SEMA5A: variants seen among roughly 807,000 people sequenced by gnomAD.
SEMA5A encodes semaphorin 5A.
Under a neutral mutation model 135.5 loss-of-function variants are expected in SEMA5A, and 55 were observed. The observed-to-expected ratio is 0.41, with a 90% CI of 0.33 to 0.51. SEMA5A has a LOEUF of 0.51. SEMA5A is among the 20% of genes least tolerant of loss of function. SEMA5A has a pLI of 0.37. For synonymous variants in SEMA5A, 580 were observed against 546.5 expected (o/e 1.06, Z -0.85); for missense variants, 1,290 against 1,419.9 (o/e 0.91, Z 1.47).
chr5:9,109,108 T>C (rs1740098492), intron 15 of SEMA5A, among the ~76,000 whole-genome samples: 2 of 136,940 alleles, frequency 1.5e-5, no homozygotes, highest in Admixed American at 1.6e-4. Context: ...TGGCGTGATC[T>C]CGGCTCACTG....
At chr5:9,323,570 T>C (rs2150681847) in intron 4 of SEMA5A, among the ~76,000 whole-genome samples, 1 of 152,192 alleles carries the variant, frequency 6.6e-6, no homozygotes, top group South Asian at 2.1e-4. Context: ...TTCATGCCAG[T>C]TGATTGGTTA....
At position 9,050,434 on chromosome 5, in the gene SEMA5A, T is replaced by C. The variant is rs777578380; in HGVS notation, c.2869A>G (p.Ser957Gly). The change falls in exon 21 of 23, where the codon AGC (serine) becomes GGC (glycine). Residue 957 changes from serine (S) to glycine (G), a missense_variant. Physicochemically the swap from Ser to Gly is moderately conservative, Grantham distance 56. Coordinates refer to ENST00000382496, the MANE Select transcript of SEMA5A (RefSeq NM_003966.3). ...CCTCCACACCTTTTCTCTTCTACGC[T>C]ACTGGATCTTGCCACAGATACTTCT... ...IPEVSVARSS[S>G]VEEKRCGEFN... 3.8e-5 allele frequency: 61 copies of C among 1,612,822 alleles called. No individual in the cohort carries two copies. The highest frequency in any genetic ancestry group is 4.8e-5 in the Non-Finnish European group (57 of 1,179,490).
intron 16 of SEMA5A, 56 bp downstream of exon 16, chr5:9,108,084 G>T (rs781253351): frequency 3.5e-5 from 55 of 1,579,606 alleles, no homozygotes; most frequent in Non-Finnish European, 4.5e-5. Context: ...TGTGTGTATT[G>T]AGTCTGTATT....
At position 9,222,655 on chromosome 5, in the gene SEMA5A, G is replaced by A. The variant is rs148430673; in HGVS notation, c.646+2019C>T. Among the ~76,000 whole-genome samples, 1,294 of 152,302 alleles carry A rather than the reference G, an allele frequency of 8.5e-3. 16 individuals carry two copies. Among genetic ancestry groups the A allele is most frequent in the African/African-American group, 0.028 (1,180 of 41,552 alleles). ...TGAACAGCAGAATGTTTTAGGAATC[G>A]GAAACATTAATGCCTTTGTAAATCA... is the stretch of plus-strand genomic sequence containing the variant. On this transcript the variant is annotated intron_variant, in intron 8 of 22. Transcript: ENST00000382496.
intron 2 of SEMA5A, among the ~76,000 whole-genome samples, chr5:9,436,553 A>G (rs898597018): frequency 6.6e-6 from 1 of 152,234 alleles, no homozygotes; most frequent in Non-Finnish European, 1.5e-5. Flanking sequence ...CTGGTAACTC[A>G]TAATCCAAGA....
In SEMA5A at chr5:9,165,742, C is replaced by A. The variant is rs916343005; in HGVS notation, c.1274-11047G>T. ...GTGTTACCATACCAAGCATTATCAG[C>A]GAGGTAATGATGAAATACCCGCTTC... On this transcript the variant is annotated intron_variant, in intron 11 of 22. Coordinates refer to ENST00000382496, the MANE Select transcript of SEMA5A (RefSeq NM_003966.3). 5.3e-5 allele frequency among the ~76,000 whole-genome samples: 8 copies of A among 152,310 alleles called. No homozygotes were observed. In the East Asian group the frequency reaches 1.2e-3, roughly 22 times the overall value.
At chr5:9,191,747 T>C (rs1745124709) in intron 10 of SEMA5A, among the ~76,000 whole-genome samples, 1 of 152,242 alleles carries the variant, frequency 6.6e-6, no homozygotes, top group South Asian at 2.1e-4. Flanking sequence ...GTCCAAGGCT[T>C]AATTTACTAT....
At chr5:9,171,566 T>C (rs1158283335) in intron 11 of SEMA5A, among the ~76,000 whole-genome samples, 1 of 152,132 alleles carries the variant, frequency 6.6e-6, no homozygotes, top group Non-Finnish European at 1.5e-5. Context: ...TCCATTGACT[T>C]TCCAGTGAGA....
intron 20 of SEMA5A, 52 bp downstream of exon 20, chr5:9,051,821 T>C (rs1736592533): frequency 1.2e-6 from 2 of 1,604,846 alleles, no homozygotes; most frequent in South Asian, 2.2e-5. Flanking sequence ...TCATTTTCTC[T>C]CTCCATGTTG....
intron 16 of SEMA5A, among the ~76,000 whole-genome samples, chr5:9,069,902 A>G (rs1407379735): frequency 6.6e-6 from 1 of 152,206 alleles, no homozygotes; most frequent in Non-Finnish European, 1.5e-5. Flanking sequence ...CTTGGAATGA[A>G]AACCACATGA....
In SEMA5A at chr5:9,086,532, T is replaced by C. The variant is rs755501591; in HGVS notation, c.2074-19886A>G. Among the ~76,000 whole-genome samples the C allele has an allele frequency of 6.6e-5, 10 of 152,324 alleles. No homozygotes were observed. The East Asian group carries it at 1.2e-3, about 18-fold the overall frequency. ...ATGTGCCTTTCACCTTCCACCATGA[T>C]TGTGATGCCTCCCTAGCCACATGGA... On this transcript the variant is annotated intron_variant, in intron 16 of 22. Transcript: ENST00000382496.
chr5:9,112,383 A>C (rs1740289645), intron 15 of SEMA5A, among the ~76,000 whole-genome samples: 1 of 152,214 alleles, frequency 6.6e-6, no homozygotes, highest in African/African-American at 2.4e-5. Flanking sequence ...GGTTAGATCC[A>C]TGCTAGTTGC....
Position 9,189,125 on chromosome 5 carries a change from T to C in SEMA5A, c.1273+1142A>G, listed in dbSNP as rs1292409250. ...TGCAGGGCTGGCCCTGCCTTCTCAG[T>C]CCCTGCTTAGCTTCATCATCACCTC... On this transcript the variant is annotated intron_variant, in intron 11 of 22. Coordinates refer to ENST00000382496, the MANE Select transcript of SEMA5A (RefSeq NM_003966.3). 2.6e-5 allele frequency among the ~76,000 whole-genome samples: 4 copies of C among 152,258 alleles called. No individual in the cohort carries two copies. The South Asian group carries it at 8.3e-4, about 32-fold the overall frequency.
chr5:9,096,457 CTTTG>C lies in SEMA5A; in HGVS notation c.2073+11679_2073+11682del, dbSNP rs149649413. Reference sequence around the variant, plus strand: ...GTGAGATAATGCACTATTTCTCTTTCTTTGTTTGGTTTATTTTATTTAGCATAAT... The same window carrying C: ...GTGAGATAATGCACTATTTCTCTTTCTTTGGTTTATTTTATTTAGCATAAT... On this transcript the variant is annotated intron_variant, in intron 16 of 22. Transcript: ENST00000382496. Among the ~76,000 whole-genome samples the C allele has an allele frequency of 2.5e-3, 375 of 151,924 alleles. 9 individuals are homozygous for C. In the East Asian group the frequency reaches 0.066, roughly 27 times the overall value.
chr5:9,189,776 C>T (rs1349814052), intron 11 of SEMA5A, among the ~76,000 whole-genome samples: 1 of 152,224 alleles, frequency 6.6e-6, no homozygotes, highest in Non-Finnish European at 1.5e-5. Context: ...TCACTGCCTA[C>T]ATTTGCTGTA....
chr5:9,096,182 C>T (rs528626179), intron 16 of SEMA5A, among the ~76,000 whole-genome samples: 8 of 152,298 alleles, frequency 5.3e-5, no homozygotes, highest in Admixed American at 2.0e-4. Context: ...TATCTCCTGT[C>T]TTTTTTATAG....
intron 15 of SEMA5A, among the ~76,000 whole-genome samples, chr5:9,110,073 C>T (rs889400764): frequency 6.6e-6 from 1 of 152,032 alleles, no homozygotes; most frequent in Non-Finnish European, 1.5e-5. Context: ...CCCCTGTCAG[C>T]ATTTTGGAAA....
intron 13 of SEMA5A, among the ~76,000 whole-genome samples, chr5:9,125,215 C>G (rs1304437356): frequency 6.6e-6 from 1 of 152,218 alleles, no homozygotes; most frequent in Non-Finnish European, 1.5e-5. Flanking sequence ...CTAACATTTT[C>G]TATCCAGTAA....
intron 3 of SEMA5A, among the ~76,000 whole-genome samples, chr5:9,347,337 T>C (rs1234482271): frequency 1.3e-5 from 2 of 152,250 alleles, no homozygotes; most frequent in Non-Finnish European, 2.9e-5. Context: ...ATGTTCATTG[T>C]AGAAAAATAT....
Sources: gnomAD v4.1 joint callset for allele counts (sites outside exome capture counted in the v4.1 genomes callset) on GRCh38, gnomAD v4.1.1 for gene constraint, MANE v1.5 for transcripts, NCBI Gene and HGNC (gene_info 2026-07-23, HGNC 2026-07-21) for gene names.